Variants in DYNC1H1 observed in about 807,000 individuals in gnomAD.
DYNC1H1 encodes the protein dynein cytoplasmic 1 heavy chain 1, also known as cytoplasmic dynein 1 heavy chain 1.
A neutral mutation model predicts 527.1 loss-of-function variants in DYNC1H1; 51 were observed. The observed-to-expected ratio is 0.10, with a 90% CI of 0.08 to 0.12. The LOEUF is 0.12. DYNC1H1 is among the 10% of genes least tolerant of loss of function. The probability of loss-of-function intolerance (pLI) is 1.00; values close to 1 mark genes in which losing one functional copy is unlikely to be tolerated. For missense variants in DYNC1H1, 2,771 were observed against 5,971.8 expected (o/e 0.46, Z 17.66); for synonymous variants, 2,189 against 2,278.8 (o/e 0.96, Z 1.12).
intron 74 of DYNC1H1, 39 bp downstream of exon 74, chr14:102,048,708 G>T (rs190959108): frequency 1.2e-6 from 2 of 1,604,290 alleles, no homozygotes; most frequent in Non-Finnish European, 8.5e-7. Context: ...GCTTCCGGCG[G>T]GCACCTTGGC....
At position 102,049,315 on chromosome 14, in the gene DYNC1H1, C is replaced by T; in HGVS notation, c.13373-125C>T. ...GGCATAAAGTGCAGCCTGGGAAAGG[C>T]AGTAGGTGGAGCCGCCAGCCGCCTG... On this transcript the variant is annotated intron_variant, in intron 74 of 77. Coordinates refer to ENST00000360184, the MANE Select transcript of DYNC1H1 (RefSeq NM_001376.5). The surrounding 1 kb of genome is among the most constrained non-coding windows in gnomAD (Gnocchi z 5.5). 7.2e-7 allele frequency: 1 copy of T among 1,389,536 alleles called. No homozygotes were observed. Among genetic ancestry groups the T allele is most frequent in the Non-Finnish European group, 1.0e-6 (1 of 1,004,652 alleles). 86.1% of individuals were successfully genotyped at this position (1,389,536 alleles called of 1,614,324 possible). A position where few individuals can be genotyped will look rare whatever the true frequency, so the allele number is the denominator to read the frequency against.
Position 102,036,549 on chromosome 14 carries a change from G to T in DYNC1H1, c.10815G>T (p.Lys3605Asn). The change falls in exon 57 of 78, where the codon AAG becomes AAT. Residue 3605 changes from lysine (K) to asparagine (N), a missense_variant. Physicochemically the swap from Lys to Asn is moderately conservative, Grantham distance 94 (BLOSUM62 0). Coordinates refer to ENST00000360184, the MANE Select transcript of DYNC1H1 (RefSeq NM_001376.5). The surrounding 1 kb of genome is among the most constrained non-coding windows in gnomAD (Gnocchi z 5.6). ...QATEFIMNEY[K>N]DRKITRTSFL... ...CAGAATTCATTATGAATGAATATAAGGATCGTAAGATCACACGGACCAGCT... is the reference window on the plus strand; with the variant it reads ...CAGAATTCATTATGAATGAATATAATGATCGTAAGATCACACGGACCAGCT... 1 of 1,614,112 alleles carries T rather than the reference G, an allele frequency of 6.2e-7. No individual in the cohort carries two copies. Among genetic ancestry groups the T allele is most frequent in the East Asian group, 2.2e-5 (1 of 44,882 alleles).
chr14:102,016,092 G>C lies in DYNC1H1; in HGVS notation c.7473+6G>C. 6.3e-7 allele frequency: 1 copy of C among 1,595,998 alleles called. No individual in the cohort carries two copies. Among genetic ancestry groups the C allele is most frequent in the Non-Finnish European group, 8.5e-7 (1 of 1,172,032 alleles). ...AGCTGGAGCGCTACATTCAGGTCAG[G>C]GGGCATCAGGGGCTTCACAGAGCTC... On this transcript the variant is annotated splice_donor_region_variant and intron_variant, in intron 36 of 77. Transcript: ENST00000360184. The surrounding 1 kb of genome is among the most constrained non-coding windows in gnomAD (Gnocchi z 7.3).
intron 8 of DYNC1H1, among the ~76,000 whole-genome samples, 188 bp from the exon 9 acceptor site, chr14:101,987,265 T>C (rs2047947729): frequency 6.6e-6 from 1 of 152,216 alleles, no homozygotes; most frequent in African/African-American, 2.4e-5. Flanking sequence ...TCCATGCATT[T>C]TCCTTTCCTC....
In DYNC1H1 at chr14:102,036,727, A is replaced by G; in HGVS notation, c.10908+85A>G. On this transcript the variant is annotated intron_variant, in intron 57 of 77. Transcript: ENST00000360184. The surrounding 1 kb of genome is among the most constrained non-coding windows in gnomAD (Gnocchi z 5.6). ...GGCTGCCTTTAGTTTTCAACTTTGT[A>G]AGACTTCATTTTGTATCAGAAGGAT... 2 of 1,530,514 alleles carry G rather than the reference A, an allele frequency of 1.3e-6. No individual in the cohort carries two copies. Among genetic ancestry groups the G allele is most frequent in the South Asian group, 1.1e-5 (1 of 88,702 alleles). The allele number at this position is 1,530,514 out of a possible 1,614,324, so 94.8% of individuals were successfully genotyped here. A position where few individuals can be genotyped will look rare whatever the true frequency, so the allele number is the denominator to read the frequency against.
chr14:102,049,443 T>G lies in DYNC1H1; in HGVS notation c.13376T>G (p.Ile4459Ser). 6.2e-7 allele frequency: 1 copy of G among 1,614,056 alleles called. No individual in the cohort carries two copies. Reference sequence around the variant, plus strand: ...GCTCTGTGTGCCTTGGCTGCAGGGATCTTGCCTCGGAGCTGGTCCCACTAC... The same window carrying G: ...GCTCTGTGTGCCTTGGCTGCAGGGAGCTTGCCTCGGAGCTGGTCCCACTAC... The part of the protein sequence containing the change: ...RTLINELVKG[I>S]LPRSWSHYTV... Residue 4459 changes from isoleucine to serine, a missense_variant, in exon 75 of 78, where the codon ATC (isoleucine) becomes AGC (serine). Physicochemically the swap from Ile to Ser is moderately radical, Grantham distance 142. Coordinates refer to ENST00000360184, the MANE Select transcript of DYNC1H1 (RefSeq NM_001376.5). This position sits in a 1 kb window ranked among gnomAD's most constrained non-coding sequence, Gnocchi z 5.5.
intron 1 of DYNC1H1, among the ~76,000 whole-genome samples, chr14:101,973,768 C>T (rs1308128243): frequency 6.6e-6 from 1 of 152,108 alleles, no homozygotes; most frequent in Non-Finnish European, 1.5e-5. Context: ...GAAGCCACTG[C>T]GTTCCAGCCT....
intron 74 of DYNC1H1, 87 bp downstream of exon 74, chr14:102,048,756 T>G: frequency 7.2e-7 from 1 of 1,397,872 alleles, no homozygotes; most frequent in Non-Finnish European, 9.5e-7. Flanking sequence ...CAGCACCACG[T>G]GCAGACAGCC....
Position 102,044,758 on chromosome 14 carries a change from G to T in DYNC1H1, c.13006+60G>T, listed in dbSNP as rs1484788476. The T allele has an allele frequency of 3.2e-6, 5 of 1,587,112 alleles. No homozygotes were observed. In the East Asian group the frequency reaches 1.1e-4, roughly 35 times the overall value. On this transcript the variant is annotated intron_variant, in intron 72 of 77. Transcript: ENST00000360184. This position sits in a 1 kb window ranked among gnomAD's most constrained non-coding sequence, Gnocchi z 7.1. ...GGTGGCGAGGGTCCCCTCACGCGGG[G>T]TGGGTGGCGAGGGTCCCCACACGCA...
intron 69 of DYNC1H1, chr14:102,043,310 G>A: frequency 4.7e-6 from 1 of 213,790 alleles, no homozygotes. Context: ...AGACCTGTCT[G>A]GACAACATAG....
At chr14:102,048,830 G>GGGAGGGT in intron 74 of DYNC1H1, 161 bp downstream of exon 74, 2 of 270,124 alleles carry the variant, frequency 7.4e-6, no homozygotes, top group South Asian at 3.0e-5. Context: ...GGGGGGAGGG[G>GGGAGGGT]AGGAGCTTAG....
Position 101,985,735 on chromosome 14 carries a change from G to C in DYNC1H1, c.1510G>C (p.Asp504His). The C allele has an allele frequency of 6.2e-7, 1 of 1,614,206 alleles. No homozygotes were observed. Among genetic ancestry groups the C allele is most frequent in the South Asian group, 1.1e-5 (1 of 91,086 alleles). The change falls in exon 8 of 78, where the codon GAT becomes CAT. Residue 504 changes from aspartate to histidine, a missense_variant. Around this residue, in one of 32 missense-constraint regions of DYNC1H1, gnomAD observed 264 missense variants for 619.4 expected, o/e 0.43. Coordinates refer to ENST00000360184, the MANE Select transcript of DYNC1H1 (RefSeq NM_001376.5). The surrounding 1 kb of genome is among the most constrained non-coding windows in gnomAD (Gnocchi z 5.9). ...QNQGEVPEPQ[D>H]MKVAEVLFDA... ...TCAAGGAGAGGTCCCTGAACCCCAA[G>C]ATATGAAAGTGGCTGAGGTTCTCTT...
chr14:102,011,733 CAG>C lies in DYNC1H1; in HGVS notation c.6619-134_6619-133del, dbSNP rs1194403855. On this transcript the variant is annotated intron_variant, in intron 32 of 77. Coordinates refer to ENST00000360184, the MANE Select transcript of DYNC1H1 (RefSeq NM_001376.5). This position sits in a 1 kb window ranked among gnomAD's most constrained non-coding sequence, Gnocchi z 5.3. ...TGCCACTGCATTCCAGTCTGGGTGACAGAGAGAGACTCCGTTTCAGGAAAAAA... is the reference window on the plus strand; with the variant it reads ...TGCCACTGCATTCCAGTCTGGGTGACAGAGAGACTCCGTTTCAGGAAAAAA... The C allele has an allele frequency of 2.4e-6, 2 of 844,536 alleles. No individual in the cohort carries two copies. The highest frequency in any genetic ancestry group is 1.7e-5 in the African/African-American group (1 of 59,200). The allele number at this position is 844,536 out of a possible 1,614,324, so 52.3% of individuals were successfully genotyped here.
rs765277712 is a variant in DYNC1H1, at chr14:101,985,761, T to G, written c.1536T>G (p.Phe512Leu). The change falls in exon 8 of 78, where the codon TTT (phenylalanine) becomes TTG (leucine). Residue 512 changes from phenylalanine (F) to leucine (L), a missense_variant. Physicochemically the swap from Phe to Leu is conservative, Grantham distance 22. This residue lies in a region of DYNC1H1 where 264 missense variants were observed against 619.4 expected (regional missense o/e 0.43). Coordinates refer to ENST00000360184, the MANE Select transcript of DYNC1H1 (RefSeq NM_001376.5). The surrounding 1 kb of genome is among the most constrained non-coding windows in gnomAD (Gnocchi z 5.9). Reference protein sequence around the residue: ...PQDMKVAEVLFDAADANAIEE... With the variant: ...PQDMKVAEVLLDAADANAIEE... ...ATATGAAAGTGGCTGAGGTTCTCTT[T>G]GATGCTGCAGATGCAAATGCCATTG... is the stretch of plus-strand genomic sequence containing the variant. 2 of 1,614,116 alleles carry G rather than the reference T, an allele frequency of 1.2e-6. No individual in the cohort carries two copies. Among genetic ancestry groups the G allele is most frequent in the Non-Finnish European group, 1.7e-6 (2 of 1,180,054 alleles).
chr14:102,020,082 G>T lies in DYNC1H1; in HGVS notation c.8507+26G>T. On this transcript the variant is annotated intron_variant, in intron 42 of 77. Coordinates refer to ENST00000360184, the MANE Select transcript of DYNC1H1 (RefSeq NM_001376.5). The surrounding 1 kb of genome is among the most constrained non-coding windows in gnomAD (Gnocchi z 4.3). ...GTAAGGGAAGCCGAGGATCCAGTTG[G>T]TCCCATTCTCCCCTGCTCTGAGTTC... is the stretch of plus-strand genomic sequence containing the variant. 6.2e-7 allele frequency: 1 copy of T among 1,613,024 alleles called. No homozygotes were observed. The highest frequency in any genetic ancestry group is 8.5e-7 in the Non-Finnish European group (1 of 1,179,592).
chr14:101,998,706 T>A (rs2048093342), intron 16 of DYNC1H1, among the ~76,000 whole-genome samples: 1 of 152,072 alleles, frequency 6.6e-6, no homozygotes, highest in Admixed American at 6.6e-5. Context: ...TGTGCTTAAT[T>A]TTGATTTGAT....
rs1488905124 is a variant in DYNC1H1 at position 101,999,897 on chromosome 14, GC to G, written c.3805-89del. On this transcript the variant is annotated intron_variant, in intron 16 of 77. Transcript: ENST00000360184. ...TGCAAAGAATCCGAAACGTCCAGAAGCCCTGCAGGCTCTGTGCACCATTTTA... is the reference window on the plus strand; with the variant it reads ...TGCAAAGAATCCGAAACGTCCAGAAGCCTGCAGGCTCTGTGCACCATTTTA... The G allele has an allele frequency of 1.8e-5, 28 of 1,580,088 alleles. No individual in the cohort carries two copies. In the Admixed American group the frequency reaches 4.4e-4, roughly 25 times the overall value.
chr14:102,019,974 G>T lies in DYNC1H1; in HGVS notation c.8425G>T (p.Ala2809Ser). Reference sequence around the variant, plus strand: ...TAGGTGGGTGAGAGGCATCTTTGAAGCGCTGAGACCTCTGGAGACCCTGCC... The same window carrying T: ...TAGGTGGGTGAGAGGCATCTTTGAATCGCTGAGACCTCTGGAGACCCTGCC... ...MTRWVRGIFE[A>S]LRPLETLPVE... is the part of the protein sequence containing the mutation. The change falls in exon 42 of 78, where the codon GCG becomes TCG. Residue 2809 changes from alanine (A) to serine (S), a missense_variant. Ala to Ser is a moderately conservative substitution (Grantham distance 99, BLOSUM62 1). Coordinates refer to ENST00000360184, the MANE Select transcript of DYNC1H1 (RefSeq NM_001376.5). 1 of 1,614,204 alleles carries T rather than the reference G, an allele frequency of 6.2e-7. No individual in the cohort carries two copies. The highest frequency in any genetic ancestry group is 1.1e-5 in the South Asian group (1 of 91,088).
At position 101,983,133 on chromosome 14, in the gene DYNC1H1, C is replaced by T; in HGVS notation, c.1076C>T (p.Ala359Val). Reference sequence around the variant, plus strand: ...GACAAAATAAGACAGGCGCTTGTTGCCATTTTCACACATTTGAGAAAGATC... The same window carrying T: ...GACAAAATAAGACAGGCGCTTGTTGTCATTTTCACACATTTGAGAAAGATC... The part of the protein sequence containing the change: ...ELDKIRQALV[A>V]IFTHLRKIRN... The change falls in exon 6 of 78, where the codon GCC becomes GTC. Residue 359 changes from alanine to valine, a missense_variant. This residue lies in a region of DYNC1H1 where 264 missense variants were observed against 619.4 expected (regional missense o/e 0.43). Coordinates refer to ENST00000360184, the MANE Select transcript of DYNC1H1 (RefSeq NM_001376.5). This position sits in a 1 kb window ranked among gnomAD's most constrained non-coding sequence, Gnocchi z 5.3. 6.2e-7 allele frequency: 1 copy of T among 1,614,162 alleles called. No individual in the cohort carries two copies. The highest frequency in any genetic ancestry group is 8.5e-7 in the Non-Finnish European group (1 of 1,180,034).
Sources: allele counts gnomAD v4.1 joint callset (sites outside exome capture counted in the v4.1 genomes callset), GRCh38; gene constraint gnomAD v4.1.1; regional missense constraint gnomAD v4.1.1; non-coding constraint Gnocchi (gnomAD v3.1); transcripts MANE v1.5; gene names NCBI Gene and HGNC (gene_info 2026-07-23, HGNC 2026-07-21).